The following TRRAP variants were observed in gnomAD, a reference collection of about 807,000 sequenced individuals.
TRRAP encodes the protein transformation/transcription domain-associated protein.
Under a neutral mutation model 438.8 loss-of-function variants are expected in TRRAP, and 41 were observed. That is an observed-to-expected ratio of 0.09 (90% CI 0.07 to 0.12). The LOEUF is 0.12. Among genes scored for constraint, TRRAP ranks in the 10% least tolerant of loss-of-function variants. The pLI is 1.00. For synonymous variants in TRRAP, 1,994 were observed against 1,962.9 expected, an observed-to-expected ratio of 1.02 and a Z score of -0.42; for missense variants, 3,122 against 5,055.1, an observed-to-expected ratio of 0.62 and a Z score of 11.60.
intron 4 of TRRAP, among the ~76,000 whole-genome samples, chr7:98,891,453 G>A (rs1387996983): frequency 2.0e-5 from 3 of 151,290 alleles, no homozygotes; most frequent in Non-Finnish European, 2.9e-5. Flanking sequence ...CGCCCACCTC[G>A]GCCTCCCAAA....
At chr7:99,001,669 G>A (rs1455090055) in intron 67 of TRRAP, among the ~76,000 whole-genome samples, 1 of 152,186 alleles carries the variant, frequency 6.6e-6, no homozygotes, top group Non-Finnish European at 1.5e-5. Context: ...GTACACAGGG[G>A]AGGCTGTTTC....
chr7:98,880,256 G>GT (rs1376837490), intron 1 of TRRAP, among the ~76,000 whole-genome samples: 23 of 74,242 alleles, frequency 3.1e-4, no homozygotes, highest in African/African-American at 9.0e-4. Context: ...TTTTGTTGTT[G>GT]TTGTTGTTTT....
In TRRAP at chr7:98,976,166, C is replaced by T. The variant is rs1433071532; in HGVS notation, c.7857C>T (p.Ser2619=). 29 of 1,613,880 alleles carry T rather than the reference C, an allele frequency of 1.8e-5. No individual in the cohort carries two copies. The highest frequency in any genetic ancestry group is 2.4e-5 in the Non-Finnish European group (28 of 1,179,942). The part of the protein sequence containing the change: ...LREVKTGALL[S]AFVQLCHIST... ...GTTCATAGACTGGAGCGCTGCTCAG[C>T]GCTTTCGTTCAGCTGTGCCACATTT... is the stretch of plus-strand genomic sequence containing the variant. The change falls in exon 54 of 73, where the codon AGC becomes AGT. Residue 2619 remains serine, a synonymous_variant. Transcript: ENST00000456197. The surrounding 1 kb of genome is among the most constrained non-coding windows in gnomAD (Gnocchi z 4.6).
intron 67 of TRRAP, 50 bp from the exon 68 acceptor site, chr7:99,004,140 G>A (rs748645670): frequency 3.7e-5 from 57 of 1,556,400 alleles, no homozygotes; most frequent in Non-Finnish European, 5.0e-5. Flanking sequence ...CAGTGTGTTA[G>A]AACTGGCCCA....
chr7:98,914,657 G>T (rs1473974627), intron 18 of TRRAP, among the ~76,000 whole-genome samples: 2 of 128,552 alleles, frequency 1.6e-5, no homozygotes, highest in African/African-American at 5.8e-5. Flanking sequence ...GGAGGTCACA[G>T]TGAGCCAAGA....
At chr7:98,925,342 C>T in intron 22 of TRRAP, 79 bp downstream of exon 22, 1 of 1,552,742 alleles carries the variant, frequency 6.4e-7, no homozygotes, top group Non-Finnish European at 8.7e-7. Context: ...TCCCAGGTTT[C>T]CTGGTGCTAG....
At chr7:98,895,402 G>A (rs1796152666) in intron 6 of TRRAP, among the ~76,000 whole-genome samples, 1 of 152,200 alleles carries the variant, frequency 6.6e-6, no homozygotes, top group Non-Finnish European at 1.5e-5. Flanking sequence ...CCTGTGTTAA[G>A]CTGATTTCTA....
chr7:98,922,067 T>TGG (rs782043105), intron 21 of TRRAP, 114 bp downstream of exon 21: 15 of 1,407,868 alleles, frequency 1.1e-5, no homozygotes, highest in Non-Finnish European at 1.5e-5. Context: ...TAGAACCAGT[T>TGG]GTATCAGGTG....
At chr7:98,919,438 T>C (rs1424056130) in intron 20 of TRRAP, among the ~76,000 whole-genome samples, 1 of 152,140 alleles carries the variant, frequency 6.6e-6, no homozygotes, top group Non-Finnish European at 1.5e-5. Context: ...CCATCTCTAC[T>C]AAAAATACAG....
At chr7:98,964,811 T>A in intron 48 of TRRAP, 36 bp downstream of exon 48, 1 of 1,594,374 alleles carries the variant, frequency 6.3e-7, no homozygotes, top group Non-Finnish European at 8.5e-7. Context: ...TTCCTCAGAC[T>A]CTGTTGAACA....
intron 52 of TRRAP, among the ~76,000 whole-genome samples, 172 bp from the exon 53 acceptor site, chr7:98,971,627 T>A (rs930529460): frequency 1.3e-5 from 2 of 152,246 alleles, no homozygotes; most frequent in African/African-American, 2.4e-5. Context: ...CTGGTCTAGT[T>A]AATCCAGGTT....
chr7:98,881,789 G>T, intron 2 of TRRAP, 186 bp from the exon 3 acceptor site: 1 of 577,940 alleles, frequency 1.7e-6, no homozygotes, highest in Non-Finnish European at 3.0e-6. Context: ...GCATGCACGT[G>T]TATGTCTGGG....
At chr7:98,974,771 C>T (rs1416770152) in intron 53 of TRRAP, among the ~76,000 whole-genome samples, 2 of 152,296 alleles carry the variant, frequency 1.3e-5, no homozygotes, top group African/African-American at 2.4e-5. Flanking sequence ...TCCAGGTATT[C>T]CTTAGTCCAG....
intron 12 of TRRAP, among the ~76,000 whole-genome samples, chr7:98,904,667 T>C (rs1554407232): frequency 2.6e-5 from 4 of 152,140 alleles, no homozygotes; most frequent in African/African-American, 9.7e-5. Context: ...CATTAGACTT[T>C]CGGGGTTCAG....
Position 98,996,788 on chromosome 7 carries a change from A to G in TRRAP, c.10309+1940A>G, listed in dbSNP as rs564735765. 2.6e-5 allele frequency among the ~76,000 whole-genome samples: 4 copies of G among 152,298 alleles called. No individual in the cohort carries two copies. The East Asian group carries it at 7.7e-4, about 29-fold the overall frequency. ...GCTATTCTGTGACCTTTTTCCTCTTAATAATATGTTATATGCCGAACAGTT... is the reference window on the plus strand; with the variant it reads ...GCTATTCTGTGACCTTTTTCCTCTTGATAATATGTTATATGCCGAACAGTT... On this transcript the variant is annotated intron_variant, in intron 67 of 72. Transcript: ENST00000456197.
intron 48 of TRRAP, 58 bp downstream of exon 48, chr7:98,964,833 C>T (rs993516393): frequency 6.4e-7 from 1 of 1,551,506 alleles, no homozygotes; most frequent in Non-Finnish European, 8.7e-7. Flanking sequence ...AGAACAGACT[C>T]TGTTGTGCAG....
chr7:98,889,501 C>T (rs184802425), intron 3 of TRRAP, among the ~76,000 whole-genome samples: 1 of 151,660 alleles, frequency 6.6e-6, no homozygotes, highest in East Asian at 1.9e-4. Context: ...AGAAACTGCC[C>T]TAGTATCTTC....
rs1554417902 is a variant in TRRAP, at chr7:98,950,145, A to C, written c.5217A>C (p.Leu1739Phe). Residue 1739 changes from leucine (L) to phenylalanine (F), a missense_variant, in exon 38 of 73, where the codon TTA becomes TTC. Physicochemically the swap from Leu to Phe is conservative, Grantham distance 22. Coordinates refer to ENST00000456197, the MANE Select transcript of TRRAP (RefSeq NM_001375524.1). ...TGRFLCNMTF[L>F]KEYMEEEIPK... ...GTTTTCTCTGCAACATGACATTCTT[A>C]AAAGAGTATATGGAGGAAGAGATTC... is the stretch of plus-strand genomic sequence containing the variant. 6.2e-7 allele frequency: 1 copy of C among 1,614,238 alleles called. No individual in the cohort carries two copies. Among genetic ancestry groups the C allele is most frequent in the Non-Finnish European group, 8.5e-7 (1 of 1,180,046 alleles).
rs550120477 is a variant in TRRAP, at chr7:98,968,180, G to A, written c.7512+482G>A. On this transcript the variant is annotated intron_variant, in intron 51 of 72. Transcript: ENST00000456197. ...ATTATAGGCCCATGTAACCACACCC[G>A]GCTGATTTTTGTATTTTTAGTAGAG... 5.3e-5 allele frequency among the ~76,000 whole-genome samples: 8 copies of A among 152,114 alleles called. 1 individual carries two copies. The highest frequency in any genetic ancestry group is 1.9e-4 in the African/African-American group (8 of 41,516).
Sources: gnomAD v4.1 joint callset for allele counts (sites outside exome capture counted in the v4.1 genomes callset) on GRCh38, gnomAD v4.1.1 for gene constraint, Gnocchi (gnomAD v3.1) non-coding constraint, MANE v1.5 for transcripts, NCBI Gene and HGNC (gene_info 2026-07-23, HGNC 2026-07-21) for gene names.